KCTD1: variants seen among roughly 807,000 people sequenced by gnomAD.
KCTD1 encodes the protein BTB/POZ domain-containing protein KCTD1.
In KCTD1, 24 loss-of-function variants were observed where a neutral mutation model predicts 66.0. The observed-to-expected ratio is 0.36, with a 90% CI of 0.26 to 0.51. The LOEUF (loss-of-function observed/expected upper bound fraction) is 0.51. Among genes scored for constraint, KCTD1 ranks in the 20% least tolerant of loss-of-function variants. The pLI is 0.95. For missense variants in KCTD1, 943 were observed against 1,205.2 expected (o/e 0.78, Z 3.22); for synonymous variants, 511 against 517.2 (o/e 0.99, Z 0.16).
chr18:26,549,755 C>G (rs549354856), upstream of KCTD1: 67 of 985,514 alleles, frequency 6.8e-5, no homozygotes, highest in Middle Eastern at 1.6e-3. Flanking sequence ...GCCATTCGTT[C>G]GCCCTCCGGG....
At chr18:26,597,744 C>T (rs746004388) in intron 1 of KCTD1, among the ~76,000 whole-genome samples, 9 of 151,664 alleles carry the variant, frequency 5.9e-5, no homozygotes, top group Non-Finnish European at 1.3e-4. Flanking sequence ...ACCTCCACCT[C>T]CCCGGTTCAA....
chr18:26,474,966 C>T (rs947285180), intron 3 of KCTD1, among the ~76,000 whole-genome samples: 1 of 152,020 alleles, frequency 6.6e-6, no homozygotes. Context: ...TCAAATGTCT[C>T]AGTGGTGATC....
At chr18:26,573,431 A>G (rs1394316262) in intron 1 of KCTD1, among the ~76,000 whole-genome samples, 1 of 152,252 alleles carries the variant, frequency 6.6e-6, no homozygotes, top group Non-Finnish European at 1.5e-5. Flanking sequence ...TTTTACCACA[A>G]TTAAAAAAAT....
chr18:26,490,297 A>G (rs1982130298), intron 2 of KCTD1, among the ~76,000 whole-genome samples: 2 of 152,208 alleles, frequency 1.3e-5, no homozygotes, highest in South Asian at 4.1e-4. Flanking sequence ...GATTAAGTAA[A>G]CAGCAGGTGG....
chr18:26,580,190 A>T (rs1275762197), intron 1 of KCTD1, among the ~76,000 whole-genome samples: 2 of 152,182 alleles, frequency 1.3e-5, no homozygotes, highest in Non-Finnish European at 2.9e-5. Flanking sequence ...GAATAAGGCA[A>T]AGTTCCTGCT....
intron 2 of KCTD1, among the ~76,000 whole-genome samples, chr18:26,493,330 A>C (rs552976633): frequency 3.3e-5 from 5 of 152,328 alleles, no homozygotes; most frequent in Admixed American, 3.3e-4. Flanking sequence ...TAGTGACAAA[A>C]TCTGCTTCTA....
At chr18:26,632,527 G>C (rs1987643167), upstream of KCTD1, among the ~76,000 whole-genome samples, 1 of 152,128 alleles carries the variant, frequency 6.6e-6, no homozygotes, top group South Asian at 2.1e-4. Flanking sequence ...TAAACAATTG[G>C]AAAGAAGAAA....
At chr18:26,516,184 A>G (rs1288217041) in intron 1 of KCTD1, among the ~76,000 whole-genome samples, 1 of 151,930 alleles carries the variant, frequency 6.6e-6, no homozygotes, top group Non-Finnish European at 1.5e-5. Context: ...AATATAGGAG[A>G]TGAGAAAGAG....
At chr18:26,653,029 TA>T (rs1460494653) in intron 1 of KCTD1, among the ~76,000 whole-genome samples, 2 of 152,194 alleles carry the variant, frequency 1.3e-5, no homozygotes, top group African/African-American at 4.8e-5. Flanking sequence ...TCCCCTACCC[TA>T]ACCCCAGCTA....
chr18:26,650,793 C>A (rs903166954), intron 1 of KCTD1, among the ~76,000 whole-genome samples: 5 of 152,308 alleles, frequency 3.3e-5, no homozygotes, highest in African/African-American at 1.2e-4. Flanking sequence ...AGTGAAAGTG[C>A]TACAAAAACA....
rs140675915 is a variant in KCTD1 at position 26,524,688 on chromosome 18, T to G, written c.1809+22040A>C. Among the ~76,000 whole-genome samples, 4 of 152,324 alleles carry G rather than the reference T, an allele frequency of 2.6e-5. No homozygotes were observed. In the East Asian group the frequency reaches 7.7e-4, roughly 29 times the overall value. ...CATATATGTTTGAATGTGCATATGA[T>G]ATCTCTGGAAGAATCCACAAGAAAA... On this transcript the variant is annotated intron_variant, in intron 1 of 4. Coordinates refer to ENST00000580059, the MANE Select transcript of KCTD1 (RefSeq NM_001142730.3).
chr18:26,527,277 C>T (rs1984208533), intron 1 of KCTD1, among the ~76,000 whole-genome samples: 1 of 152,096 alleles, frequency 6.6e-6, no homozygotes, highest in Non-Finnish European at 1.5e-5. Context: ...GGAGGGAGAG[C>T]AACTAACAGA....
At position 26,596,249 on chromosome 18, in the gene KCTD1, G is replaced by A. The variant is rs140982294; in HGVS notation, c.-16+32898C>T. ...CGAGATGGGATTAGTGCCCTTATAGGAAGATATACCAGAAAGCTCTCTCTC... is the reference window on the plus strand; with the variant it reads ...CGAGATGGGATTAGTGCCCTTATAGAAAGATATACCAGAAAGCTCTCTCTC... On this transcript the variant is annotated intron_variant, in intron 1 of 4. Coordinates refer to the KCTD1 transcript ENST00000317932. Among the ~76,000 whole-genome samples the A allele has an allele frequency of 3.5e-3, 537 of 152,108 alleles. 3 individuals carry two copies. Among genetic ancestry groups the A allele is most frequent in the African/African-American group, 0.012 (502 of 41,498 alleles).
intron 1 of KCTD1, among the ~76,000 whole-genome samples, chr18:26,586,384 G>A (rs1186858265): frequency 3.3e-5 from 5 of 152,104 alleles, no homozygotes; most frequent in East Asian, 3.9e-4. Flanking sequence ...CATGTGTTCC[G>A]ACTGCTCCAC....
At chr18:26,586,240 T>C (rs1986468962) in intron 1 of KCTD1, among the ~76,000 whole-genome samples, 1 of 152,228 alleles carries the variant, frequency 6.6e-6, no homozygotes, top group South Asian at 2.1e-4. Context: ...ATTCTCATAA[T>C]TCTTCAAACT....
chr18:26,456,251 T>C (rs1980082833), intron 4 of KCTD1: 2 of 189,580 alleles, frequency 1.1e-5, no homozygotes, highest in Admixed American at 1.2e-4. Flanking sequence ...TGTTTTTGTA[T>C]ATGCAATGCT....
intron 1 of KCTD1, among the ~76,000 whole-genome samples, chr18:26,647,838 G>A (rs1052722799): frequency 7.0e-6 from 1 of 143,396 alleles, no homozygotes; most frequent in Non-Finnish European, 1.6e-5. Context: ...CTTTTTTTTT[G>A]TTTTGTTTTG....
intron 1 of KCTD1, among the ~76,000 whole-genome samples, chr18:26,509,204 C>T (rs1008537898): frequency 6.0e-5 from 9 of 150,674 alleles, no homozygotes; most frequent in Non-Finnish European, 1.3e-4. Context: ...TTGATGAGTA[C>T]TGTATGCATA....
intron 3 of KCTD1, among the ~76,000 whole-genome samples, chr18:26,474,748 T>C (rs551576321): frequency 1.3e-5 from 2 of 152,232 alleles, no homozygotes; most frequent in Non-Finnish European, 2.9e-5. Context: ...TGTATTTGTA[T>C]ATGATGTCTT....
Sources: gnomAD v4.1 joint callset for allele counts (sites outside exome capture counted in the v4.1 genomes callset) on GRCh38, gnomAD v4.1.1 for gene constraint, MANE v1.5 for transcripts, NCBI Gene and HGNC (gene_info 2026-07-23, HGNC 2026-07-21) for gene names.